The following OVCH1 variants were observed in gnomAD, a reference collection of about 807,000 sequenced individuals.
OVCH1 encodes ovochymase 1.
In OVCH1, 139 loss-of-function variants were observed where a neutral mutation model predicts 138.4. That is an observed-to-expected ratio of 1.00 (90% confidence interval 0.87 to 1.16). The LOEUF (loss-of-function observed/expected upper bound fraction) is 1.16. OVCH1 is among the 50% of genes most tolerant of loss of function. OVCH1 has a pLI of 0.00. For synonymous variants in OVCH1, 453 were observed against 467.8 expected (o/e 0.97, Z 0.41); for missense variants, 1,367 against 1,357.9 (o/e 1.01, Z -0.11).
At chr12:29,445,345 C>G in exon 23 of OVCH1, 1 of 1,611,532 alleles carries the variant, frequency 6.2e-7, no homozygotes, top group Non-Finnish European at 8.5e-7. Flanking sequence ...ATGTCACCCT[C>G]ACCAGCGGTC....
At chr12:29,477,519 AGTGGTG>A (rs775065723) in intron 10 of OVCH1, 41 bp from the exon 11 acceptor site, 1 of 1,613,940 alleles carries the variant, frequency 6.2e-7, no homozygotes, top group Admixed American at 1.7e-5. Context: ...ATTACTAAAA[AGTGGTG>A]GAAACTTACA....
At chr12:29,408,985 C>T (rs879168721), downstream of OVCH1, among the ~76,000 whole-genome samples, 1 of 151,954 alleles carries the variant, frequency 6.6e-6, no homozygotes, top group African/African-American at 2.4e-5. Context: ...ACAATTTCAG[C>T]TCCTGTTATT....
At chr12:29,405,021 C>CAAAAAAAAAAAAA in the OVCH1 span, among the ~76,000 whole-genome samples, 43 of 80,442 alleles carry the variant, frequency 5.3e-4, 4 homozygotes, top group African/African-American at 6.3e-4. Flanking sequence ...CACTCCACCT[C>CAAAAAAAAAAAAA]AAAAAAAAAA....
intron 22 of OVCH1, among the ~76,000 whole-genome samples, chr12:29,446,228 T>C (rs1468960225): frequency 6.6e-6 from 1 of 152,112 alleles, no homozygotes; most frequent in African/African-American, 2.4e-5. Context: ...CAGTCCGTGG[T>C]CCATAGTAGG....
downstream of OVCH1, among the ~76,000 whole-genome samples, chr12:29,409,250 A>G (rs1045447397): frequency 4.6e-5 from 7 of 152,130 alleles, no homozygotes; most frequent in Non-Finnish European, 7.3e-5. Flanking sequence ...GATCCTTTCA[A>G]AAAACCAGCT....
At position 29,455,260 on chromosome 12, in the gene OVCH1, G is replaced by T. The variant is rs768774572; in HGVS notation, c.2426C>A (p.Ser809Ter). The T allele has an allele frequency of 1.9e-6, 3 of 1,609,788 alleles. No individual in the cohort carries two copies. Among genetic ancestry groups the T allele is most frequent in the Admixed American group, 1.7e-5 (1 of 58,790 alleles). ...TGAAAACAATTTACCATTGATTTTT[G>T]ATTGGATCCAGTCCAAGAAGATCAT... The change falls in exon 20 of 28, where the codon TCA becomes TAA. Residue 809 changes from serine to a stop codon, truncating the protein, a stop_gained. Coordinates refer to ENST00000318184, the Ensembl canonical transcript of OVCH1. LOFTEE classifies it high-confidence loss of function.
At chr12:29,408,420 T>C (rs1940910088), downstream of OVCH1, among the ~76,000 whole-genome samples, 1 of 109,880 alleles carries the variant, frequency 9.1e-6, no homozygotes, top group African/African-American at 2.7e-5. Context: ...TTTTTGCCCA[T>C]TCAGTATGAT....
At chr12:29,476,749 ACG>A (rs145053170) in intron 12 of OVCH1, among the ~76,000 whole-genome samples, 556 of 17,200 alleles carry the variant, frequency 0.032, 9 homozygotes, top group Middle Eastern at 0.11. Flanking sequence ...ATAAGTACAC[ACG>A]CGCGCACACA....
chr12:29,445,240 C>A (rs1343618772), intron 23 of OVCH1, 38 bp downstream of exon 23: 2 of 1,552,994 alleles, frequency 1.3e-6, no homozygotes, highest in Non-Finnish European at 1.8e-6. Flanking sequence ...ATATTGATTT[C>A]TTTAGCCTTT....
chr12:29,459,916 A>G (rs17660479), intron 19 of OVCH1, among the ~76,000 whole-genome samples: 11,116 of 152,260 alleles, frequency 0.073, 572 homozygotes, highest in South Asian at 0.15. Flanking sequence ...GAGAAAGCAC[A>G]TTATCAGGTC....
chr12:29,497,571 C>T, intron 1 of OVCH1, 52 bp downstream of exon 1: 4 of 1,604,024 alleles, frequency 2.5e-6, no homozygotes, highest in African/African-American at 1.3e-5. Flanking sequence ...TCTTCCCTCT[C>T]CAGCACGCTC....
At chr12:29,403,064 T>G in the OVCH1 span, among the ~76,000 whole-genome samples, 1 of 152,148 alleles carries the variant, frequency 6.6e-6, no homozygotes, top group Non-Finnish European at 1.5e-5. Flanking sequence ...TGTTCGAGAG[T>G]TAAGGATTCC....
intron 8 of OVCH1, among the ~76,000 whole-genome samples, chr12:29,479,476 A>G (rs1439811413): frequency 6.6e-6 from 1 of 152,142 alleles, no homozygotes; most frequent in Non-Finnish European, 1.5e-5. Context: ...AGCATATCTC[A>G]ACTTGAGATA....
chr12:29,447,235 C>A (rs935829932), intron 22 of OVCH1, among the ~76,000 whole-genome samples: 1 of 152,012 alleles, frequency 6.6e-6, no homozygotes, highest in African/African-American at 2.4e-5. Flanking sequence ...CTAGGAGGAT[C>A]TTTTGAGCCC....
At chr12:29,415,083 A>T (rs1941014749) in intron 3 of OVCH1, among the ~76,000 whole-genome samples, 1 of 152,102 alleles carries the variant, frequency 6.6e-6, no homozygotes, top group African/African-American at 2.4e-5. Context: ...GTCATCTCTC[A>T]CTCTTCCCAG....
At chr12:29,420,479 G>A (rs1306741951) in intron 3 of OVCH1, among the ~76,000 whole-genome samples, 1 of 37,220 alleles carries the variant, frequency 2.7e-5, no homozygotes, top group Non-Finnish European at 5.7e-5. Context: ...GAAGGAAAAA[G>A]CAGCTTTTTT....
chr12:29,477,141 A>T lies in OVCH1; in HGVS notation c.1338T>A (p.Cys446Ter), dbSNP rs368302630. The change falls in exon 12 of 28, where the codon TGT (cysteine) becomes TGA (stop). Residue 446 changes from cysteine to a stop codon, truncating the protein, a stop_gained. Coordinates refer to ENST00000318184, the Ensembl canonical transcript of OVCH1. LOFTEE classifies it high-confidence loss of function. ...TCTCTGGAGCACAAATGAACCAATG[A>T]CACCTTGTGTTACTGGGATACAAAT... 1.4e-5 allele frequency: 23 copies of T among 1,612,946 alleles called. No individual in the cohort carries two copies. Among genetic ancestry groups the T allele is most frequent in the Non-Finnish European group, 1.6e-5 (19 of 1,179,516 alleles).
chr12:29,422,493 A>T (rs758923793), intron 3 of OVCH1, among the ~76,000 whole-genome samples: 2 of 152,174 alleles, frequency 1.3e-5, no homozygotes, highest in Non-Finnish European at 2.9e-5. Context: ...AGGACCTCCT[A>T]CTAACAAATT....
intron 18 of OVCH1, among the ~76,000 whole-genome samples, chr12:29,462,483 G>A (rs1256286849): frequency 6.7e-6 from 1 of 149,934 alleles, no homozygotes; most frequent in African/African-American, 2.5e-5. Flanking sequence ...TACTGTCATT[G>A]AAGCCTAATC....
Sources: gnomAD v4.1 joint callset for allele counts (sites outside exome capture counted in the v4.1 genomes callset) on GRCh38, gnomAD v4.1.1 for gene constraint, MANE v1.5 for transcripts, NCBI Gene and HGNC (gene_info 2026-07-23, HGNC 2026-07-21) for gene names.